Variants in LTBP1 observed in about 807,000 individuals in gnomAD.
LTBP1 encodes the protein latent-transforming growth factor beta-binding protein 1.
LTBP1 carries 129 observed loss-of-function variants against 207.6 expected under a neutral mutation model. That is an observed-to-expected ratio of 0.62 (90% CI 0.54 to 0.72). The LOEUF (loss-of-function observed/expected upper bound fraction) is 0.72. Among genes scored for constraint, LTBP1 ranks in the 30% least tolerant of loss-of-function variants. The probability of loss-of-function intolerance (pLI) is 0.00; values close to 1 mark genes in which losing one functional copy is unlikely to be tolerated. For missense variants in LTBP1, 2,281 were observed against 2,217.2 expected, an observed-to-expected ratio of 1.03 and a Z score of -0.58; for synonymous variants, 963 against 833.7, an observed-to-expected ratio of 1.16 and a Z score of -2.67.
chr2:33,230,431 C>A (rs1157086426), intron 9 of LTBP1, among the ~76,000 whole-genome samples: 11 of 152,082 alleles, frequency 7.2e-5, no homozygotes, highest in Admixed American at 7.2e-4. Flanking sequence ...TACATATACA[C>A]ACATGGAGCT....
chr2:33,135,211 A>G (rs959086967), intron 5 of LTBP1, among the ~76,000 whole-genome samples: 1 of 152,236 alleles, frequency 6.6e-6, no homozygotes, highest in Admixed American at 6.5e-5. Flanking sequence ...CCATGTGGTA[A>G]TGGGAATATA....
At chr2:32,991,145 T>C (rs1280299158) in intron 2 of LTBP1, among the ~76,000 whole-genome samples, 1 of 152,198 alleles carries the variant, frequency 6.6e-6, no homozygotes, top group Non-Finnish European at 1.5e-5. Context: ...CTCATATAAC[T>C]TTTTGCAAAA....
intron 5 of LTBP1, among the ~76,000 whole-genome samples, chr2:33,160,302 C>T (rs565150543): frequency 6.6e-6 from 1 of 152,290 alleles, no homozygotes; most frequent in South Asian, 2.1e-4. Context: ...AGACTTGCCC[C>T]TTTTAATTGT....
intron 3 of LTBP1, among the ~76,000 whole-genome samples, chr2:33,087,084 CTTTTTTTTTTTTT>C (rs35334788): frequency 1.1e-5 from 1 of 89,026 alleles, no homozygotes; most frequent in Non-Finnish European, 2.1e-5. Context: ...CTCCTTTATG[CTTTTTTTTTTTTT>C]TTTTTTTTTT....
At chr2:33,056,199 CCT>C in intron 3 of LTBP1, 1 of 305,494 alleles carries the variant, frequency 3.3e-6, no homozygotes, top group Non-Finnish European at 6.2e-6. Context: ...AAATGAGCCG[CCT>C]CTTTTTCAGG....
intron 2 of LTBP1, among the ~76,000 whole-genome samples, chr2:32,984,428 A>G (rs1341994408): frequency 2.6e-5 from 4 of 152,204 alleles, no homozygotes; most frequent in Non-Finnish European, 4.4e-5. Flanking sequence ...TGGTTTTTCA[A>G]AAATAGGAGA....
Position 33,285,261 on chromosome 2 carries a change from C to G in LTBP1, c.3112+5103C>G, listed in dbSNP as rs541764533. Among the ~76,000 whole-genome samples the G allele has an allele frequency of 2.6e-5, 4 of 151,048 alleles. No homozygotes were observed. In the East Asian group the frequency reaches 7.9e-4, roughly 30 times the overall value. On this transcript the variant is annotated intron_variant, in intron 19 of 33. Transcript: ENST00000404816. ...TTCACCATGTTGGCCAGGCTAGCCT[C>G]GAACTCCTGACCTCAGGTGATCCAC...
At chr2:33,295,685 TTCTTTTCTGCTTACTTTTACATCTAA>T (rs1167524245) in intron 20 of LTBP1, among the ~76,000 whole-genome samples, 2 of 152,240 alleles carry the variant, frequency 1.3e-5, no homozygotes, top group African/African-American at 4.8e-5. Context: ...GTGGATTTTT[TTCTTTTCTGCTTACTTTTACATCTAA>T]AAGTATGTTC....
At chr2:33,037,714 TTTTTA>T (rs2149375228) in intron 3 of LTBP1, among the ~76,000 whole-genome samples, 2 of 152,250 alleles carry the variant, frequency 1.3e-5, no homozygotes, top group East Asian at 3.9e-4. Context: ...GAAGATATAG[TTTTTA>T]TTTTATTTAT....
At chr2:33,065,518 A>C (rs219083) in intron 3 of LTBP1, among the ~76,000 whole-genome samples, 134,619 of 152,114 alleles carry the variant, frequency 0.88, 61,651 homozygotes, top group East Asian at 1. Flanking sequence ...TCACTGCTCT[A>C]CATCCTGGGT....
chr2:33,133,598 G>A (rs1050813695), intron 4 of LTBP1, among the ~76,000 whole-genome samples: 3 of 152,186 alleles, frequency 2.0e-5, no homozygotes, highest in African/African-American at 4.8e-5. Flanking sequence ...GGGCAGGTCT[G>A]GGTGAAGCAG....
At chr2:33,091,960 A>G (rs1162360820) in intron 3 of LTBP1, among the ~76,000 whole-genome samples, 2 of 152,194 alleles carry the variant, frequency 1.3e-5, no homozygotes, top group African/African-American at 2.4e-5. Context: ...AGCTCAAGAG[A>G]GAGCACTGGC....
intron 29 of LTBP1, 26 bp from the exon 30 acceptor site, chr2:33,364,190 T>G: frequency 2.5e-6 from 4 of 1,610,460 alleles, no homozygotes; most frequent in Non-Finnish European, 2.5e-6. Flanking sequence ...TGATTTTCTT[T>G]AGTAATACTT....
chr2:33,385,781 C>T (rs897881320), intron 31 of LTBP1, among the ~76,000 whole-genome samples: 1 of 152,116 alleles, frequency 6.6e-6, no homozygotes, highest in Non-Finnish European at 1.5e-5. Flanking sequence ...TGCAGGCTCC[C>T]AGAAAAATAA....
At chr2:33,031,118 G>A (rs1330380043) in intron 3 of LTBP1, among the ~76,000 whole-genome samples, 3 of 151,996 alleles carry the variant, frequency 2.0e-5, no homozygotes, top group East Asian at 1.9e-4. Flanking sequence ...CTCAAATTTG[G>A]AAGAAACGTC....
At chr2:33,213,066 G>T (rs1322628539) in intron 7 of LTBP1, among the ~76,000 whole-genome samples, 1 of 152,038 alleles carries the variant, frequency 6.6e-6, no homozygotes, top group East Asian at 1.9e-4. Flanking sequence ...ACAGGACCTG[G>T]TTGCCAGAAC....
chr2:33,215,090 A>G (rs2090580911), intron 7 of LTBP1, among the ~76,000 whole-genome samples: 2 of 152,084 alleles, frequency 1.3e-5, no homozygotes, highest in Admixed American at 1.3e-4. Flanking sequence ...GGGGAATCCG[A>G]CAAACATTTG....
intron 7 of LTBP1, among the ~76,000 whole-genome samples, chr2:33,210,356 T>C (rs1368801910): frequency 6.6e-6 from 1 of 152,254 alleles, no homozygotes; most frequent in East Asian, 1.9e-4. Flanking sequence ...CAGTATAGTT[T>C]CTTCCTTTTC....
At chr2:32,962,275 T>TAA (rs1198153863) in intron 2 of LTBP1, among the ~76,000 whole-genome samples, 1 of 152,210 alleles carries the variant, frequency 6.6e-6, no homozygotes, top group Non-Finnish European at 1.5e-5. Flanking sequence ...TTTATTCTCC[T>TAA]AAAAGTAGGG....
Sources: allele counts gnomAD v4.1 joint callset (sites outside exome capture counted in the v4.1 genomes callset), GRCh38; gene constraint gnomAD v4.1.1; transcripts MANE v1.5; gene names NCBI Gene and HGNC (gene_info 2026-07-23, HGNC 2026-07-21).